The following ARHGAP39 variants were observed in gnomAD, a reference collection of about 807,000 sequenced individuals.
ARHGAP39 encodes the protein Rho GTPase activating protein 39, also known as rho GTPase-activating protein 39.
In ARHGAP39, 44 loss-of-function variants were observed where a neutral mutation model predicts 106.9. The observed-to-expected ratio is 0.41, with a 90% CI of 0.32 to 0.53. The LOEUF is 0.53. ARHGAP39 is among the 20% of genes least tolerant of loss of function. ARHGAP39 has a pLI of 0.21. For synonymous variants in ARHGAP39, 768 were observed against 693.2 expected (o/e 1.11, Z -1.69); for missense variants, 1,496 against 1,577.3 (o/e 0.95, Z 0.87).
intron 4 of ARHGAP39, among the ~76,000 whole-genome samples, chr8:144,554,976 T>TGG (rs1051132529): frequency 1.3e-5 from 2 of 152,350 alleles, no homozygotes; most frequent in Admixed American, 1.3e-4. Context: ...CAGCTGGCCC[T>TGG]GGCCCTGCAT....
intron 2 of ARHGAP39, among the ~76,000 whole-genome samples, chr8:144,587,512 G>C (rs1819224560): frequency 6.6e-6 from 1 of 152,210 alleles, no homozygotes; most frequent in African/African-American, 2.4e-5. Context: ...AGAAACTAAT[G>C]CTGAAGGATA....
chr8:144,669,469 T>G, intron 1 of ARHGAP39, among the ~76,000 whole-genome samples: 1 of 122,216 alleles, frequency 8.2e-6, no homozygotes, highest in Non-Finnish European at 1.6e-5. Context: ...ATCACACCAC[T>G]GCACTCCAGC....
rs111365010 is a variant in ARHGAP39 at position 144,568,970 on chromosome 8, A to C, written c.512+11876T>G. Among the ~76,000 whole-genome samples the C allele has an allele frequency of 5.7e-3, 870 of 152,326 alleles. 9 individuals are homozygous for C. Among genetic ancestry groups the C allele is most frequent in the African/African-American group, 0.016 (670 of 41,580 alleles). On this transcript the variant is annotated intron_variant, in intron 3 of 11. Coordinates refer to ENST00000377307, the MANE Select transcript of ARHGAP39 (RefSeq NM_025251.3). ...GCCTAAGCCTGACCCTAGCCATGCA[A>C]ATCATCACACTGTGTTAATGGTCTA...
rs531711359 is a variant in ARHGAP39, at chr8:144,600,126, C to T, written c.80+5409G>A. 4.7e-5 allele frequency among the ~76,000 whole-genome samples: 7 copies of T among 148,192 alleles called. No homozygotes were observed. In the South Asian group the frequency reaches 1.1e-3, roughly 23 times the overall value. On this transcript the variant is annotated intron_variant, in intron 2 of 11. Transcript: ENST00000377307. ...TTGTGTACCTATGTGTGCGTAGAGA[C>T]GAGTGTGCGAGCTCATGTACCTACC... is the stretch of plus-strand genomic sequence containing the variant.
intron 7 of ARHGAP39, among the ~76,000 whole-genome samples, chr8:144,536,778 G>A (rs1344547966): frequency 1.3e-5 from 2 of 152,200 alleles, no homozygotes; most frequent in Admixed American, 6.5e-5. Flanking sequence ...AGGGCCCTTC[G>A]TGCCCCTGTA....
chr8:144,641,843 G>A lies in ARHGAP39; in HGVS notation c.-81-36148C>T, dbSNP rs1381883350. Reference sequence around the variant, plus strand: ...GGACATCCCATCACAGTGCAGCCACGAGGAGGAGGGGTACCTGCCACAAGC... The same window carrying A: ...GGACATCCCATCACAGTGCAGCCACAAGGAGGAGGGGTACCTGCCACAAGC... On this transcript the variant is annotated intron_variant, in intron 1 of 11. Coordinates refer to ENST00000377307, the MANE Select transcript of ARHGAP39 (RefSeq NM_025251.3). This position sits in a 1 kb window ranked among gnomAD's most constrained non-coding sequence, Gnocchi z 5.2. Among the ~76,000 whole-genome samples, 8 of 152,194 alleles carry A rather than the reference G, an allele frequency of 5.3e-5. No homozygotes were observed. Among genetic ancestry groups the A allele is most frequent in the Admixed American group, 2.0e-4 (3 of 15,280 alleles).
intron 2 of ARHGAP39, among the ~76,000 whole-genome samples, chr8:144,602,602 G>T (rs1201496996): frequency 7.0e-6 from 1 of 143,254 alleles, no homozygotes; most frequent in East Asian, 2.2e-4. Context: ...AGGTGTGTGT[G>T]CGAGCTCATG....
In ARHGAP39 at chr8:144,530,226, C is replaced by T; in HGVS notation, c.*196G>A. 1.6e-6 allele frequency: 1 copy of T among 621,606 alleles called. No individual in the cohort carries two copies. The highest frequency in any genetic ancestry group is 2.7e-6 in the Non-Finnish European group (1 of 370,084). 38.5% of individuals were successfully genotyped at this position (621,606 alleles called of 1,614,324 possible). A position where few individuals can be genotyped will look rare whatever the true frequency, so the allele number is the denominator to read the frequency against. On this transcript the variant is annotated 3_prime_UTR_variant, in exon 12 of 12. Coordinates refer to ENST00000377307, the MANE Select transcript of ARHGAP39 (RefSeq NM_025251.3). ...GAGGTGGGGGGCCAGAGGCGCCCTC[C>T]CCGCCGCTGCTGTGCCCTGGCTGCA...
intron 1 of ARHGAP39, among the ~76,000 whole-genome samples, chr8:144,608,879 G>GA (rs1274152206): frequency 6.6e-6 from 1 of 151,964 alleles, no homozygotes; most frequent in Admixed American, 6.6e-5. Context: ...TGCTAATACA[G>GA]AAAAAAATGT....
chr8:144,669,855 G>A (rs957986997), intron 1 of ARHGAP39, among the ~76,000 whole-genome samples: 4 of 152,178 alleles, frequency 2.6e-5, no homozygotes, highest in African/African-American at 9.7e-5. Flanking sequence ...TTAATCAGAA[G>A]GATGAACAAT....
chr8:144,589,801 C>T (rs1192000280), intron 2 of ARHGAP39, among the ~76,000 whole-genome samples: 1 of 152,246 alleles, frequency 6.6e-6, no homozygotes, highest in Non-Finnish European at 1.5e-5. Flanking sequence ...GCCCTGGGCA[C>T]AGCCCAGGCG....
At position 144,547,728 on chromosome 8, in the gene ARHGAP39, C is replaced by T; in HGVS notation, c.1358G>A (p.Gly453Glu). ...CGGCTGGCTGTGCCGCAGCTCAGGT[C>T]CCTCCATGGTGCTGTAGTCTCCGGA... ...VKSGDYSTME[G>E]PELRHSQPPT... is the part of the protein sequence containing the mutation. The change falls in exon 5 of 12, where the codon GGA (glycine) becomes GAA (glutamate). Residue 453 changes from glycine to glutamate, a missense_variant. Physicochemically the swap from Gly to Glu is moderately conservative, Grantham distance 98 (BLOSUM62 -2). This residue lies in a region of ARHGAP39 where 905 missense variants were observed against 816.4 expected (regional missense o/e 1.11). Transcript: ENST00000377307. The surrounding 1 kb of genome is among the most constrained non-coding windows in gnomAD (Gnocchi z 5.2). The T allele has an allele frequency of 1.3e-6, 2 of 1,595,696 alleles. No homozygotes were observed. Among genetic ancestry groups the T allele is most frequent in the Non-Finnish European group, 1.7e-6 (2 of 1,176,670 alleles).
chr8:144,533,172 C>A lies in ARHGAP39; in HGVS notation c.2842G>T (p.Glu948Ter), dbSNP rs1376661319. 1 of 1,611,088 alleles carries A rather than the reference C, an allele frequency of 6.2e-7. No homozygotes were observed. Among genetic ancestry groups the A allele is most frequent in the East Asian group, 2.2e-5 (1 of 44,870 alleles). Reference protein sequence around the residue: ...QLPWVQTRLSEEVLALNGDQT... With the variant: ...QLPWVQTRLS ...TCACCGTTGAGCGCCAGCACCTCCT[C>A]AGAGAGCCGTGTCTGCACCCAGGGC... The change falls in exon 9 of 12, where the codon GAG (glutamate) becomes TAG (stop). Residue 948 changes from glutamate (E) to a stop codon, truncating the protein, a stop_gained. Transcript: ENST00000377307. LOFTEE classifies it high-confidence loss of function.
intron 1 of ARHGAP39, among the ~76,000 whole-genome samples, chr8:144,622,411 G>T (rs906138525): frequency 6.6e-6 from 1 of 152,088 alleles, no homozygotes; most frequent in Admixed American, 6.5e-5. Flanking sequence ...CAAGTCCAAG[G>T]CTAAACCACA....
intron 3 of ARHGAP39, among the ~76,000 whole-genome samples, chr8:144,575,896 C>T (rs1012005302): frequency 6.6e-6 from 1 of 152,166 alleles, no homozygotes; most frequent in African/African-American, 2.4e-5. Flanking sequence ...GTCATAGAAC[C>T]TTTTCAGCTC....
intron 4 of ARHGAP39, among the ~76,000 whole-genome samples, chr8:144,554,613 G>A (rs1175383819): frequency 6.6e-6 from 1 of 152,200 alleles, no homozygotes; most frequent in African/African-American, 2.4e-5. Flanking sequence ...GACCTGATCT[G>A]CCACAGTGGG....
In ARHGAP39 at chr8:144,677,456, T is replaced by C. The variant is rs139166950; in HGVS notation, c.-82+8230A>G. Among the ~76,000 whole-genome samples, 147 of 152,310 alleles carry C rather than the reference T, an allele frequency of 9.7e-4. 1 individual carries two copies. Among genetic ancestry groups the C allele is most frequent in the Admixed American group, 2.8e-3 (43 of 15,296 alleles). On this transcript the variant is annotated intron_variant, in intron 1 of 11. Transcript: ENST00000377307. ...CCTGATGTGACGGAATAAACGGTGA[T>C]TGAAGAAAGAGATGCTATTTCTAGG... is the stretch of plus-strand genomic sequence containing the variant.
intron 1 of ARHGAP39, among the ~76,000 whole-genome samples, chr8:144,653,184 T>C (rs1461177829): frequency 1.3e-5 from 2 of 152,036 alleles, no homozygotes; most frequent in African/African-American, 4.8e-5. Context: ...TAATCCCAGC[T>C]ACTCAGGAGA....
chr8:144,620,095 CTGTGTGTCCCTGAGCA>C (rs1820756958), intron 1 of ARHGAP39, among the ~76,000 whole-genome samples: 1 of 122,186 alleles, frequency 8.2e-6, no homozygotes, highest in Non-Finnish European at 1.7e-5. Context: ...TGCGTTGAGC[CTGTGTGTCCCTGAGCA>C]TGTGTGCCCG....
Sources: allele counts gnomAD v4.1 joint callset (sites outside exome capture counted in the v4.1 genomes callset), GRCh38; gene constraint gnomAD v4.1.1; regional missense constraint gnomAD v4.1.1; non-coding constraint Gnocchi (gnomAD v3.1); transcripts MANE v1.5; gene names NCBI Gene and HGNC (gene_info 2026-07-23, HGNC 2026-07-21).